Variants in IMPA2 observed in about 807,000 individuals in gnomAD.
IMPA2 encodes IMP 2.
IMPA2 carries 32 observed loss-of-function variants against 35.1 expected under a neutral mutation model. The observed-to-expected ratio is 0.91, with a 90% CI of 0.69 to 1.23. The LOEUF (loss-of-function observed/expected upper bound fraction) is 1.23. Ranked by LOEUF, IMPA2 falls within the 50% of genes most tolerant of loss-of-function variation. The pLI is 0.00. For synonymous variants in IMPA2, 135 were observed against 160.6 expected, an observed-to-expected ratio of 0.84 and a Z score of 1.20; for missense variants, 334 against 387.6, an observed-to-expected ratio of 0.86 and a Z score of 1.16.
At chr18:12,029,366 G>C (rs1300149787) in intron 7 of IMPA2, among the ~76,000 whole-genome samples, 1 of 151,536 alleles carries the variant, frequency 6.6e-6, no homozygotes, top group East Asian at 1.9e-4. Flanking sequence ...CGCCTGCCTC[G>C]GTCTCCCAAA....
intron 2 of IMPA2, among the ~76,000 whole-genome samples, chr18:12,000,654 CGT>C (rs1907089832): frequency 2.3e-5 from 3 of 131,496 alleles, no homozygotes; most frequent in South Asian, 2.5e-4. Context: ...CTTGCTCTGG[CGT>C]CCAGGCTGGA....
intron 5 of IMPA2, among the ~76,000 whole-genome samples, chr18:12,024,657 A>G (rs1014953727): frequency 6.6e-6 from 1 of 152,036 alleles, no homozygotes; most frequent in Non-Finnish European, 1.5e-5. Flanking sequence ...GTATCATGCA[A>G]GCCATCCCAT....
Position 11,992,666 on chromosome 18 carries a change from T to G in IMPA2, c.97-6388T>G, listed in dbSNP as rs59552380. 2.0e-5 allele frequency among the ~76,000 whole-genome samples: 3 copies of G among 152,198 alleles called. No individual in the cohort carries two copies. In the East Asian group the frequency reaches 5.8e-4, roughly 29 times the overall value. On this transcript the variant is annotated intron_variant, in intron 1 of 7. Transcript: ENST00000269159. ...GAGCCAGGGGGGTCTGTGAAGTGCATGCTTAGTTAGCGAGTAGCTGAAAAA... is the reference window on the plus strand; with the variant it reads ...GAGCCAGGGGGGTCTGTGAAGTGCAGGCTTAGTTAGCGAGTAGCTGAAAAA...
intron 1 of IMPA2, among the ~76,000 whole-genome samples, chr18:11,988,286 G>A (rs1016869285): frequency 2.0e-5 from 3 of 152,170 alleles, no homozygotes; most frequent in Non-Finnish European, 2.9e-5. Context: ...GATTACAGGC[G>A]TGAGCCACTG....
At chr18:12,023,812 G>T (rs1907801708) in intron 5 of IMPA2, among the ~76,000 whole-genome samples, 3 of 152,198 alleles carry the variant, frequency 2.0e-5, no homozygotes, top group Admixed American at 6.5e-5. Flanking sequence ...CACTCTTAGA[G>T]TGTACCTCCA....
chr18:12,007,635 CTTTCTTTCTTTCTTTCTTTCTTT>C (rs1907300072), intron 2 of IMPA2, among the ~76,000 whole-genome samples: 2 of 50,064 alleles, frequency 4.0e-5, no homozygotes, highest in African/African-American at 1.4e-4. Context: ...TTTCTTCTTT[CTTTCTTTCTTTCTTTCTTTCTTT>C]CTTTCTTTCT....
chr18:12,013,973 TA>T (rs2143809589), intron 4 of IMPA2, among the ~76,000 whole-genome samples: 1 of 152,370 alleles, frequency 6.6e-6, no homozygotes, highest in East Asian at 1.9e-4. Flanking sequence ...GCTTTTTCAA[TA>T]ACTTCTGGTT....
intron 2 of IMPA2, chr18:12,008,590 A>T (rs1907344703): frequency 6.6e-6 from 3 of 456,596 alleles, no homozygotes; most frequent in Non-Finnish European, 4.4e-6. Context: ...AGCCTGCAGA[A>T]GGTGGGCTGC....
Position 12,010,056 on chromosome 18 carries a change from C to A in IMPA2, c.335+69C>A. On this transcript the variant is annotated intron_variant, in intron 3 of 7. Transcript: ENST00000269159. The surrounding 1 kb of genome is among the most constrained non-coding windows in gnomAD (Gnocchi z 4.8). The stretch of plus-strand genomic sequence containing the variant: ...CCTCTTCTGTGAGGTTTTGTCTTTT[C>A]AAAAGCAGCATTTTTTAAGGCAGGA... The A allele has an allele frequency of 1.7e-6, 2 of 1,201,096 alleles. No individual in the cohort carries two copies. Among genetic ancestry groups the A allele is most frequent in the Non-Finnish European group, 2.5e-6 (2 of 814,668 alleles). The allele number at this position is 1,201,096 out of a possible 1,614,324, so 74.4% of individuals were successfully genotyped here. A position where few individuals can be genotyped will look rare whatever the true frequency, so the allele number is the denominator to read the frequency against.
In IMPA2 at chr18:12,014,336, C is replaced by T. The variant is rs767697897; in HGVS notation, c.453C>T (p.Phe151=). ...CGGGCCGGCGGGGTCGGGGCGCCTT[C>T]TGCAATGGCCAGCGGCTCCGGGTCT... ...LYTGRRGRGA[F]CNGQRLRVSG... The change falls in exon 5 of 8, where the codon TTC becomes TTT. Residue 151 remains phenylalanine, a synonymous_variant. Transcript: ENST00000269159. The T allele has an allele frequency of 1.2e-5, 20 of 1,607,468 alleles. No homozygotes were observed. Among genetic ancestry groups the T allele is most frequent in the Non-Finnish European group, 1.5e-5 (18 of 1,176,874 alleles).
rs187004810 is a variant in IMPA2 at position 12,010,163 on chromosome 18, G to A, written c.335+176G>A. On this transcript the variant is annotated intron_variant, in intron 3 of 7. Transcript: ENST00000269159. The surrounding 1 kb of genome is among the most constrained non-coding windows in gnomAD (Gnocchi z 4.8). ...TGATATTTTTAAAATAAGGTTTTCC[G>A]TTTGTGAGAGGCTCTTGGAGTATGT... is the stretch of plus-strand genomic sequence containing the variant. 160 of 524,782 alleles carry A rather than the reference G, an allele frequency of 3.0e-4. No homozygotes were observed. Among genetic ancestry groups the A allele is most frequent in the African/African-American group, 2.8e-3 (142 of 51,272 alleles). The allele number at this position is 524,782 out of a possible 1,614,324, so 32.5% of individuals were successfully genotyped here.
intron 2 of IMPA2, among the ~76,000 whole-genome samples, chr18:12,004,755 C>T (rs1367353115): frequency 1.3e-5 from 2 of 152,120 alleles, no homozygotes; most frequent in Non-Finnish European, 2.9e-5. Flanking sequence ...GAACTCCTGA[C>T]CTCAAGTGAT....
At position 11,999,122 on chromosome 18, in the gene IMPA2, A is replaced by G; in HGVS notation, c.165A>G (p.Thr55=). Residue 55 remains threonine (T), a synonymous_variant, in exon 2 of 8, where the codon ACA becomes ACG. Coordinates refer to ENST00000269159, the MANE Select transcript of IMPA2 (RefSeq NM_014214.3). ...AAACATCAGCTGCAGATCTTGTGAC[A>G]GAAACAGATCACCTTGTGGAAGATT... ...STKTSAADLV[T]ETDHLVEDLI... The G allele has an allele frequency of 1.2e-6, 2 of 1,613,922 alleles. No individual in the cohort carries two copies. Among genetic ancestry groups the G allele is most frequent in the Non-Finnish European group, 1.7e-6 (2 of 1,179,814 alleles).
chr18:11,986,112 A>G (rs1472937447), intron 1 of IMPA2, among the ~76,000 whole-genome samples: 18 of 152,158 alleles, frequency 1.2e-4, no homozygotes, highest in Admixed American at 1.1e-3. Flanking sequence ...CAAAGCAGAA[A>G]AAGAAAAACC....
intron 5 of IMPA2, among the ~76,000 whole-genome samples, chr18:12,025,120 T>TGG (rs59419999): frequency 0.22 from 33,217 of 152,176 alleles, 4,274 homozygotes; most frequent in Middle Eastern, 0.36. Context: ...GTCATGGAGT[T>TGG]GGAATCATAC....
At chr18:12,017,030 C>G (rs781491848) in intron 5 of IMPA2, among the ~76,000 whole-genome samples, 6 of 152,208 alleles carry the variant, frequency 3.9e-5, no homozygotes, top group Non-Finnish European at 7.3e-5. Flanking sequence ...CTTTCTCCCT[C>G]TCTCTTTCTG....
intron 3 of IMPA2, among the ~76,000 whole-genome samples, chr18:12,011,463 C>T (rs1907431927): frequency 6.6e-6 from 1 of 152,244 alleles, no homozygotes; most frequent in South Asian, 2.1e-4. Context: ...AAGCCAGCGG[C>T]TCATCCCAAG....
At position 12,028,125 on chromosome 18, in the gene IMPA2, G is replaced by A. The variant is rs781378933; in HGVS notation, c.573G>A (p.Glu191=). The change falls in exon 6 of 8, where the codon GAG becomes GAA. Residue 191 remains glutamate (E), a synonymous_variant. Transcript: ENST00000269159. ...TGAAGCTGTTCCTGAGTAACATGGA[G>A]CGGCTGCTGCATGCCAAGGCGCATG... ...ATLKLFLSNM[E]RLLHAKAHGV... 2 of 1,613,716 alleles carry A rather than the reference G, an allele frequency of 1.2e-6. No homozygotes were observed. Among genetic ancestry groups the A allele is most frequent in the South Asian group, 2.2e-5 (2 of 91,076 alleles).
Position 12,028,883 on chromosome 18 carries a change from T to C in IMPA2, c.641T>C (p.Leu214Pro), listed in dbSNP as rs1907959299. The change falls in exon 7 of 8, where the codon CTG (leucine) becomes CCG (proline). Residue 214 changes from leucine (L) to proline (P), a missense_variant. By Grantham distance (98) the Leu-to-Pro change is moderately conservative. Coordinates refer to ENST00000269159, the MANE Select transcript of IMPA2 (RefSeq NM_014214.3). ...IGSSTLALCH[L>P]ASGAADAYYQ... is the part of the protein sequence containing the mutation. ...AGCTCCACATTGGCACTCTGCCACC[T>C]GGCCTCAGGGGCCGCGGATGCCTAT... The C allele has an allele frequency of 6.2e-7, 1 of 1,614,080 alleles. No individual in the cohort carries two copies. The highest frequency in any genetic ancestry group is 1.3e-5 in the African/African-American group (1 of 74,934).
Sources: gnomAD v4.1 joint callset for allele counts (sites outside exome capture counted in the v4.1 genomes callset) on GRCh38, gnomAD v4.1.1 for gene constraint, Gnocchi (gnomAD v3.1) non-coding constraint, MANE v1.5 for transcripts, NCBI Gene and HGNC (gene_info 2026-07-23, HGNC 2026-07-21) for gene names.